The following TMEM182 variants were observed in gnomAD, a reference collection of about 807,000 sequenced individuals.
TMEM182 encodes transmembrane protein 182.
A neutral mutation model predicts 26.8 loss-of-function variants in TMEM182; 20 were observed. The ratio of observed to expected loss-of-function variants is 0.75; its 90% confidence interval spans 0.53 to 1.09. TMEM182 has a LOEUF of 1.09. TMEM182 is among the 50% of genes least tolerant of loss of function. The pLI, the probability that TMEM182 is intolerant of heterozygous loss-of-function variation, is 0.00. For missense variants in TMEM182, 277 were observed against 275.5 expected (o/e 1.01, Z -0.04); for synonymous variants, 109 against 102.2 (o/e 1.07, Z -0.40).
intron 4 of TMEM182, among the ~76,000 whole-genome samples, chr2:102,802,973 A>T (rs1401179237): frequency 6.6e-6 from 1 of 152,112 alleles, no homozygotes; most frequent in Non-Finnish European, 1.5e-5. Context: ...GGTGGAGGAG[A>T]CTGCAGAGCT....
At chr2:102,802,768 G>A (rs145210640) in intron 4 of TMEM182, among the ~76,000 whole-genome samples, 26 of 152,336 alleles carry the variant, frequency 1.7e-4, no homozygotes, top group Admixed American at 9.1e-4. Context: ...GGACATCTAC[G>A]TGTGTGAAAT....
At chr2:102,776,760 A>C (rs1352688675) in intron 3 of TMEM182, among the ~76,000 whole-genome samples, 2 of 152,182 alleles carry the variant, frequency 1.3e-5, no homozygotes, top group African/African-American at 4.8e-5. Flanking sequence ...ACCATTTTAC[A>C]TTCTCACCAG....
chr2:102,743,629 C>T (rs1243993555), intron 1 of TMEM182, among the ~76,000 whole-genome samples: 1 of 152,132 alleles, frequency 6.6e-6, no homozygotes, highest in East Asian at 1.9e-4. Flanking sequence ...TATGAATAAT[C>T]ACTTTAAATG....
At chr2:102,797,648 G>T (rs1015257628) in intron 3 of TMEM182, 4 of 514,040 alleles carry the variant, frequency 7.8e-6, no homozygotes, top group African/African-American at 7.7e-5. Context: ...TGAGCAAGAG[G>T]AGTTGATTGA....
chr2:102,822,815 T>C (rs1469121887), intron 3 of TMEM182, among the ~76,000 whole-genome samples: 2 of 147,150 alleles, frequency 1.4e-5, no homozygotes, highest in Non-Finnish European at 3.0e-5. Context: ...GGAGGGACGG[T>C]GGTGCCTGCC....
chr2:102,742,574 T>C (rs370528767), intron 1 of TMEM182, among the ~76,000 whole-genome samples: 161 of 152,278 alleles, frequency 1.1e-3, no homozygotes, highest in African/African-American at 3.7e-3. Flanking sequence ...ATAGGTAGCT[T>C]AGAGAACACC....
At chr2:102,834,303 C>T (rs1683201635) in intron 3 of TMEM182, 1 of 818,536 alleles carries the variant, frequency 1.2e-6, no homozygotes, top group African/African-American at 1.9e-5. Flanking sequence ...GAAAAAAACC[C>T]TCATCCATTT....
chr2:102,813,504 T>G (rs1682629313), intron 4 of TMEM182, among the ~76,000 whole-genome samples: 1 of 152,212 alleles, frequency 6.6e-6, no homozygotes, highest in African/African-American at 2.4e-5. Context: ...TGGATTGAAA[T>G]TTTGGACAAA....
chr2:102,827,238 C>T (rs963768090), intron 3 of TMEM182, among the ~76,000 whole-genome samples: 2 of 152,230 alleles, frequency 1.3e-5, no homozygotes, highest in African/African-American at 2.4e-5. Context: ...AAGCCATGAT[C>T]TCTGTAATCC....
At chr2:102,760,601 T>C (rs1680175736), upstream of TMEM182, among the ~76,000 whole-genome samples, 1 of 152,128 alleles carries the variant, frequency 6.6e-6, no homozygotes, top group Admixed American at 6.5e-5. Context: ...ATTCTATTCA[T>C]GTTTTTTTTT....
intron 4 of TMEM182, among the ~76,000 whole-genome samples, chr2:102,802,451 T>G (rs1004879738): frequency 6.6e-5 from 10 of 152,190 alleles, no homozygotes; most frequent in Non-Finnish European, 1.5e-4. Context: ...CTGGGCAAAG[T>G]GTAGTCATTG....
Position 102,814,963 on chromosome 2 carries a change from C to T in TMEM182, c.685C>T (p.His229Tyr). The change falls in exon 5 of 5, where the codon CAC (histidine) becomes TAC (tyrosine). Residue 229 changes from histidine to tyrosine, a missense_variant. By Grantham distance (83) the His-to-Tyr change is moderately conservative. Transcript: ENST00000412401. ...TGTTGGATGGCATATTCAGATACAT[C>T]ACTAAATCAACTGTTGCCACAAGTA... The part of the protein sequence containing the change: ...LVVGWHIQIH[H>Y] The T allele has an allele frequency of 6.2e-7, 1 of 1,613,672 alleles. No homozygotes were observed. Among genetic ancestry groups the T allele is most frequent in the Non-Finnish European group, 8.5e-7 (1 of 1,179,798 alleles).
intron 3 of TMEM182, among the ~76,000 whole-genome samples, chr2:102,770,636 C>T (rs1030909837): frequency 6.6e-6 from 1 of 152,156 alleles, no homozygotes; most frequent in Non-Finnish European, 1.5e-5. Context: ...AGTGATCTCA[C>T]AAAGGGGTTG....
Position 102,764,427 on chromosome 2 carries a change from A to G in TMEM182, c.331A>G (p.Ile111Val). ...HNSTSYDSAV[I>V]YRGFWAVLML... Reference sequence around the variant, plus strand: ...CTCGACCTCCTATGACTCTGCAGTTAGTAAGTACCCTCTGTCCTCAGCCTA... The same window carrying G: ...CTCGACCTCCTATGACTCTGCAGTTGGTAAGTACCCTCTGTCCTCAGCCTA... Residue 111 changes from isoleucine to valine, a missense_variant and splice_region_variant, in exon 3 of 5, where the codon ATT (isoleucine) becomes GTT (valine). Transcript: ENST00000412401. 1 of 1,613,380 alleles carries G rather than the reference A, an allele frequency of 6.2e-7. No individual in the cohort carries two copies. Among genetic ancestry groups the G allele is most frequent in the Middle Eastern group, 1.7e-4 (1 of 6,054 alleles).
chr2:102,794,700 T>A (rs1469553203), intron 3 of TMEM182, among the ~76,000 whole-genome samples: 1 of 152,222 alleles, frequency 6.6e-6, no homozygotes, highest in Admixed American at 6.5e-5. Context: ...TGTAATGATT[T>A]TTTCCTCTGG....
chr2:102,748,874 C>T (rs925843507), intron 1 of TMEM182, among the ~76,000 whole-genome samples: 1 of 152,024 alleles, frequency 6.6e-6, no homozygotes, highest in African/African-American at 2.4e-5. Flanking sequence ...CTCCAGTTAT[C>T]GAAGCTTTGA....
In TMEM182 at chr2:102,817,137, G is replaced by A. The variant is rs1194226156; in HGVS notation, c.*2169G>A. 3.0e-6 allele frequency: 3 copies of A among 985,218 alleles called. No individual in the cohort carries two copies. Among genetic ancestry groups the A allele is most frequent in the African/African-American group, 1.7e-5 (1 of 57,238 alleles). The allele number at this position is 985,218 out of a possible 1,614,324, so 61.0% of individuals were successfully genotyped here. On this transcript the variant is annotated 3_prime_UTR_variant, in exon 5 of 5. Coordinates refer to ENST00000412401, the MANE Select transcript of TMEM182 (RefSeq NM_144632.5). ...GGAGAGTTGTGATTGCTATGTCAATGAGTGAAATATACTTAAAAATGGCAG... is the reference window on the plus strand; with the variant it reads ...GGAGAGTTGTGATTGCTATGTCAATAAGTGAAATATACTTAAAAATGGCAG...
chr2:102,804,454 A>G (rs918775381), intron 4 of TMEM182, among the ~76,000 whole-genome samples: 3 of 152,126 alleles, frequency 2.0e-5, no homozygotes, highest in African/African-American at 4.8e-5. Flanking sequence ...ATAGTCTCCA[A>G]CCTCATCCAG....
At chr2:102,764,176 T>A (rs921450482) in intron 2 of TMEM182, among the ~76,000 whole-genome samples, 153 bp from the exon 3 acceptor site, 4 of 152,224 alleles carry the variant, frequency 2.6e-5, no homozygotes, top group Non-Finnish European at 4.4e-5. Flanking sequence ...CTAGAAGGCC[T>A]TCCTCCTCAC....
Sources: allele counts gnomAD v4.1 joint callset (sites outside exome capture counted in the v4.1 genomes callset), GRCh38; gene constraint gnomAD v4.1.1; transcripts MANE v1.5; gene names NCBI Gene and HGNC (gene_info 2026-07-23, HGNC 2026-07-21).